DBH: variants seen among roughly 807,000 people sequenced by gnomAD.
DBH encodes the protein dopamine beta-hydroxylase (dopamine beta-monooxygenase).
In DBH, 49 loss-of-function variants were observed where a neutral mutation model predicts 64.0. The observed-to-expected ratio is 0.77, with a 90% CI of 0.61 to 0.97. The LOEUF is 0.97. DBH is among the 50% of genes least tolerant of loss of function. The pLI is 0.00. For synonymous variants in DBH, 343 were observed against 347.1 expected (o/e 0.99, Z 0.13); for missense variants, 828 against 826.6 (o/e 1.00, Z -0.02).
At chr9:133,647,823 C>T in intron 5 of DBH, 23 bp from the exon 6 acceptor site, 1 of 1,614,090 alleles carries the variant, frequency 6.2e-7, no homozygotes, top group African/African-American at 1.3e-5. Flanking sequence ...CCGCTCACCT[C>T]CATCCATCCC....
intron 1 of DBH, among the ~76,000 whole-genome samples, chr9:133,637,132 C>A (rs761281278): frequency 2.6e-5 from 4 of 152,196 alleles, no homozygotes; most frequent in African/African-American, 9.7e-5. Flanking sequence ...GGTGGTGGCG[C>A]GTGGCTGGGC....
intron 9 of DBH, among the ~76,000 whole-genome samples, chr9:133,653,799 G>C (rs369047842): frequency 6.6e-6 from 1 of 152,360 alleles, no homozygotes; most frequent in East Asian, 1.9e-4. Context: ...CACGCAGCGG[G>C]GCTGCTTCCG....
At chr9:133,656,244 G>A (rs975712264) in intron 9 of DBH, 4 of 424,458 alleles carry the variant, frequency 9.4e-6, no homozygotes, top group African/African-American at 8.1e-5. Context: ...CATAAAATGG[G>A]CACAATAACA....
rs1024410097 is a variant in DBH, at chr9:133,642,577, T to A, written c.744+113T>A. ...AGTCCTGGTTGGACCAGGTGTCCTC[T>A]TATCACTGGAACCTCAGGCACCTGC... On this transcript the variant is annotated intron_variant, in intron 3 of 11. Transcript: ENST00000393056. The A allele has an allele frequency of 1.3e-5, 18 of 1,343,312 alleles. 1 individual carries two copies. In the South Asian group the frequency reaches 2.3e-4, roughly 17 times the overall value. 83.2% of individuals were successfully genotyped at this position (1,343,312 alleles called of 1,614,324 possible).
rs769306144 is a variant in DBH at position 133,656,613 on chromosome 9, G to T, written c.1525G>T (p.Ala509Ser). 6.2e-7 allele frequency: 1 copy of T among 1,613,262 alleles called. No individual in the cohort carries two copies. Among genetic ancestry groups the T allele is most frequent in the African/African-American group, 1.3e-5 (1 of 75,042 alleles). ...GGAGCTCTGCAAGAGCGCTGTGGAC[G>T]CCGGCTTCCTGCAGAAGTACTTCCA... ...QLELCKSAVD[A>S]GFLQKYFHLI... is the part of the protein sequence containing the mutation. Residue 509 changes from alanine (A) to serine (S), a missense_variant, in exon 10 of 12, where the codon GCC (alanine) becomes TCC (serine). Physicochemically the swap from Ala to Ser is moderately conservative, Grantham distance 99. Coordinates refer to ENST00000393056, the MANE Select transcript of DBH (RefSeq NM_000787.4).
intron 11 of DBH, 170 bp downstream of exon 11, chr9:133,657,399 AGAGAGAGAG>A (rs1832338795): frequency 1.9e-6 from 1 of 534,254 alleles, no homozygotes; most frequent in Non-Finnish European, 3.3e-6. Flanking sequence ...GCCAGCCAGC[AGAGAGAGAG>A]GAGAGAGGAG....
At chr9:133,652,827 G>T (rs1390652220) in intron 8 of DBH, 113 bp from the exon 9 acceptor site, 2 of 772,422 alleles carry the variant, frequency 2.6e-6, no homozygotes, top group Non-Finnish European at 4.7e-6. Context: ...GACAGGGACT[G>T]TACCCCAGAG....
chr9:133,658,487 T>TGGGCTCACAC lies in DBH; in HGVS notation c.*41_*50dup. On this transcript the variant is annotated 3_prime_UTR_variant, in exon 12 of 12. Transcript: ENST00000393056. ...CTCCCCCTCCTCCATGCTGTCCCTGTGGGCTCACACCGGCACTGTGCACTC... is the reference window on the plus strand; with the variant it reads ...CTCCCCCTCCTCCATGCTGTCCCTGTGGGCTCACACGGGCTCACACCGGCACTGTGCACTC... The TGGGCTCACAC allele has an allele frequency of 6.4e-7, 1 of 1,574,096 alleles. No individual in the cohort carries two copies.
intron 2 of DBH, among the ~76,000 whole-genome samples, chr9:133,641,751 C>T (rs775565532): frequency 3.3e-5 from 5 of 152,200 alleles, no homozygotes; most frequent in Non-Finnish European, 5.9e-5. Flanking sequence ...AGCGTGGCTC[C>T]GCAGCTCAGC....
chr9:133,658,687 G>GTCCATT lies in DBH; in HGVS notation c.*242_*247dup. 1 of 421,624 alleles carries GTCCATT rather than the reference G, an allele frequency of 2.4e-6. No homozygotes were observed. 26.1% of individuals were successfully genotyped at this position (421,624 alleles called of 1,614,324 possible). A position where few individuals can be genotyped will look rare whatever the true frequency, so the allele number is the denominator to read the frequency against. On this transcript the variant is annotated 3_prime_UTR_variant, in exon 12 of 12. Coordinates refer to ENST00000393056, the MANE Select transcript of DBH (RefSeq NM_000787.4). ...CCTGGACCGAGTGGACCACGACCTC[G>GTCCATT]TCCATTTAAACCCGGCTGACTCAGT... is the stretch of plus-strand genomic sequence containing the variant.
intron 4 of DBH, among the ~76,000 whole-genome samples, 155 bp from the exon 5 acceptor site, chr9:133,644,063 G>A (rs1832150160): frequency 6.6e-6 from 1 of 152,166 alleles, no homozygotes; most frequent in Non-Finnish European, 1.5e-5. Context: ...GGCGTGTAAT[G>A]AGCTGCCTGT....
chr9:133,648,942 G>A (rs1832214221), intron 6 of DBH, among the ~76,000 whole-genome samples: 1 of 152,254 alleles, frequency 6.6e-6, no homozygotes, highest in African/African-American at 2.4e-5. Flanking sequence ...GCTGCTCAGA[G>A]ATGTGAGTGT....
At chr9:133,657,412 A>G in intron 11 of DBH, 183 bp downstream of exon 11, 2 of 33,892 alleles carry the variant, frequency 5.9e-5, no homozygotes, top group South Asian at 9.3e-4. Flanking sequence ...GAGAGAGGAG[A>G]GAGGAGAGAG....
At chr9:133,657,272 C>A in intron 11 of DBH, 43 bp downstream of exon 11, 1 of 1,610,992 alleles carries the variant, frequency 6.2e-7, no homozygotes, top group Non-Finnish European at 8.5e-7. Context: ...GTCAGGCAGG[C>A]CTCATGGGGG....
In DBH at chr9:133,643,230, C is replaced by T. The variant is rs546867563; in HGVS notation, c.745-183C>T. On this transcript the variant is annotated intron_variant, in intron 3 of 11. Transcript: ENST00000393056. The surrounding 1 kb of genome is among the most constrained non-coding windows in gnomAD (Gnocchi z 5.3). ...ATTTCCTTCACTCTGGAGCTGCCTA[C>T]GGGATTTCTTTCTGGGCTGATGGCT... Among the ~76,000 whole-genome samples the T allele has an allele frequency of 2.0e-5, 3 of 152,194 alleles. No homozygotes were observed. The highest frequency in any genetic ancestry group is 7.2e-5 in the African/African-American group (3 of 41,518).
chr9:133,647,004 AGT>A (rs1435011501), intron 5 of DBH, among the ~76,000 whole-genome samples: 3 of 152,182 alleles, frequency 2.0e-5, no homozygotes, highest in African/African-American at 7.2e-5. Context: ...GAGGCCCTTG[AGT>A]GTGGGCTGAG....
At chr9:133,641,023 C>A (rs1360365968) in intron 2 of DBH, among the ~76,000 whole-genome samples, 1 of 151,998 alleles carries the variant, frequency 6.6e-6, no homozygotes, top group Non-Finnish European at 1.5e-5. Flanking sequence ...GTGTGACAGT[C>A]AGGTGGAGGA....
chr9:133,655,529 G>A (rs1163223706), intron 9 of DBH: 2 of 152,288 alleles, frequency 1.3e-5, no homozygotes, highest in East Asian at 1.9e-4. Flanking sequence ...TTTCGTCTCT[G>A]GGCAGAACTG....
At chr9:133,652,326 G>T in intron 8 of DBH, 42 bp downstream of exon 8, 1 of 1,606,412 alleles carries the variant, frequency 6.2e-7, no homozygotes, top group Non-Finnish European at 8.5e-7. Context: ...ACTGCCACCA[G>T]CTGGGGTGGC....
Sources: gnomAD v4.1 joint callset for allele counts (sites outside exome capture counted in the v4.1 genomes callset) on GRCh38, gnomAD v4.1.1 for gene constraint, Gnocchi (gnomAD v3.1) non-coding constraint, MANE v1.5 for transcripts, NCBI Gene and HGNC (gene_info 2026-07-23, HGNC 2026-07-21) for gene names.